The following SLC6A15 variants were observed in gnomAD, a reference collection of about 807,000 sequenced individuals.
The protein encoded by SLC6A15 is sodium-dependent neutral amino acid transporter B(0)AT2.
Under a neutral mutation model 68.5 loss-of-function variants are expected in SLC6A15, and 33 were observed. The observed-to-expected ratio is 0.48, with a 90% CI of 0.37 to 0.64. The LOEUF (loss-of-function observed/expected upper bound fraction) is 0.64, where lower values mean the gene tolerates loss of function less well. Ranked by LOEUF, SLC6A15 falls within the 30% of genes least tolerant of loss-of-function variation. SLC6A15 has a pLI of 0.00. For synonymous variants in SLC6A15, 347 were observed against 301.0 expected (o/e 1.15, Z -1.58); for missense variants, 747 against 874.3 (o/e 0.85, Z 1.84).
chr12:84,909,704 A>G (rs183933171), intron 1 of SLC6A15, among the ~76,000 whole-genome samples: 1 of 152,286 alleles, frequency 6.6e-6, no homozygotes, highest in East Asian at 1.9e-4. Flanking sequence ...GTAATAAAGA[A>G]TTAACATACT....
Position 84,892,152 on chromosome 12 carries a change from A to AAAC in SLC6A15, c.-33_-32insGTT, listed in dbSNP as rs557150994. 557 of 1,547,734 alleles carry AAAC rather than the reference A, an allele frequency of 3.6e-4. 1 individual carries two copies. The African/African-American group carries it at 7.1e-3, about 20-fold the overall frequency. On this transcript the variant is annotated 5_prime_UTR_variant, in exon 2 of 12. Coordinates refer to ENST00000266682, the MANE Select transcript of SLC6A15 (RefSeq NM_182767.6). ...GTATGCGAAGTATTTAAAAAAAAAA[A>AAAC]AAAAAACTCCCTTATGGCAAATGTG...
chr12:84,862,259 T>C (rs1048389900), intron 11 of SLC6A15, among the ~76,000 whole-genome samples: 2 of 152,088 alleles, frequency 1.3e-5, no homozygotes, highest in Non-Finnish European at 2.9e-5. Flanking sequence ...AAAGACCACC[T>C]AAAGAGAGAG....
At chr12:84,903,106 G>C (rs929830000) in intron 1 of SLC6A15, among the ~76,000 whole-genome samples, 1 of 152,096 alleles carries the variant, frequency 6.6e-6, no homozygotes, top group Non-Finnish European at 1.5e-5. Context: ...GCACCCTTCT[G>C]TGAAATCGTA....
In SLC6A15 at chr12:84,906,209, A is replaced by G. The variant is rs1293922878; in HGVS notation, c.-189+6314T>C. On this transcript the variant is annotated intron_variant, in intron 1 of 11. Transcript: ENST00000266682. ...AATAGCATTTACAATCATTAAACTG[A>G]CATAATTACACGAAAATGTAACAAA... Among the ~76,000 whole-genome samples the G allele has an allele frequency of 2.6e-5, 4 of 152,210 alleles. No homozygotes were observed. The East Asian group carries it at 7.7e-4, about 29-fold the overall frequency.
chr12:84,890,571 C>T (rs533233023), intron 2 of SLC6A15, among the ~76,000 whole-genome samples: 18 of 152,294 alleles, frequency 1.2e-4, no homozygotes, highest in African/African-American at 3.9e-4. Flanking sequence ...ATGCACAGTG[C>T]GTCACTGACT....
chr12:84,903,949 G>T (rs910476427), intron 1 of SLC6A15, among the ~76,000 whole-genome samples: 1 of 151,936 alleles, frequency 6.6e-6, no homozygotes, highest in African/African-American at 2.4e-5. Context: ...TGTTTTATTT[G>T]TTCATACATC....
In SLC6A15 at chr12:84,895,339, A is replaced by ATTTTTTTTTTTTTTTTTTTTTTTTT. The variant is rs67339994; in HGVS notation, c.-188-3056_-188-3032dup. On this transcript the variant is annotated intron_variant, in intron 1 of 11. Coordinates refer to ENST00000266682, the MANE Select transcript of SLC6A15 (RefSeq NM_182767.6). Reference sequence around the variant, plus strand: ...CTTAGATGTTTTCATTTTTGTTTGTATTTTTTTTTTTTTTTTTTTTTTTTT... The same window carrying ATTTTTTTTTTTTTTTTTTTTTTTTT: ...CTTAGATGTTTTCATTTTTGTTTGTATTTTTTTTTTTTTTTTTTTTTTTTTTTTTTTTTTTTTTTTTTTTTTTTTT... 1.1e-4 allele frequency among the ~76,000 whole-genome samples: 6 copies of ATTTTTTTTTTTTTTTTTTTTTTTTT among 54,784 alleles called. 1 individual carries two copies. Among genetic ancestry groups the ATTTTTTTTTTTTTTTTTTTTTTTTT allele is most frequent in the South Asian group, 8.4e-4 (1 of 1,194 alleles). 35.9% of individuals were successfully genotyped at this position (54,784 alleles called of 152,430 possible). A position where few individuals can be genotyped will look rare whatever the true frequency, so the allele number is the denominator to read the frequency against.
At chr12:84,865,647 G>T (rs904240533) in intron 10 of SLC6A15, among the ~76,000 whole-genome samples, 1 of 152,118 alleles carries the variant, frequency 6.6e-6, no homozygotes, top group Non-Finnish European at 1.5e-5. Flanking sequence ...CCTGTTAACT[G>T]CTGATGTTTT....
At position 84,876,615 on chromosome 12, in the gene SLC6A15, G is replaced by C. The variant is rs539108282; in HGVS notation, c.757-8C>G. Reference sequence around the variant, plus strand: ...AGAACTAAAATATATGATCTGCAAAGAAATAAAAATAAAAATAAGTGAGAT... The same window carrying C: ...AGAACTAAAATATATGATCTGCAAACAAATAAAAATAAAAATAAGTGAGAT... On this transcript the variant is annotated splice_polypyrimidine_tract_variant and splice_region_variant and intron_variant, in intron 5 of 11. Coordinates refer to ENST00000266682, the MANE Select transcript of SLC6A15 (RefSeq NM_182767.6). The C allele has an allele frequency of 7.3e-7, 1 of 1,374,236 alleles. No individual in the cohort carries two copies. The highest frequency in any genetic ancestry group is 1.3e-5 in the South Asian group (1 of 75,596). 85.1% of individuals were successfully genotyped at this position (1,374,236 alleles called of 1,614,324 possible). A position where few individuals can be genotyped will look rare whatever the true frequency, so the allele number is the denominator to read the frequency against.
At chr12:84,898,462 G>A (rs958356469) in intron 1 of SLC6A15, among the ~76,000 whole-genome samples, 5 of 152,074 alleles carry the variant, frequency 3.3e-5, no homozygotes, top group African/African-American at 7.2e-5. Context: ...GAATCAATAC[G>A]TTTTGATGTG....
At chr12:84,909,001 G>A (rs917859348) in intron 1 of SLC6A15, among the ~76,000 whole-genome samples, 3 of 151,988 alleles carry the variant, frequency 2.0e-5, no homozygotes, top group African/African-American at 7.2e-5. Flanking sequence ...AAATTATTTT[G>A]TATATCTTGC....
intron 1 of SLC6A15, among the ~76,000 whole-genome samples, chr12:84,906,319 A>G (rs970924255): frequency 6.6e-6 from 1 of 151,412 alleles, no homozygotes; most frequent in Non-Finnish European, 1.5e-5. Context: ...AAGACATGCC[A>G]TGTTCATGGA....
chr12:84,861,785 T>G lies in SLC6A15; in HGVS notation c.2040A>C (p.Lys680Asn). Residue 680 changes from lysine (K) to asparagine (N), a missense_variant, in exon 12 of 12, where the codon AAA (lysine) becomes AAC (asparagine). Lys to Asn is a moderately conservative substitution (Grantham distance 94). Coordinates refer to ENST00000266682, the MANE Select transcript of SLC6A15 (RefSeq NM_182767.6). Reference protein sequence around the residue: ...EGDDTSLIHGKIPSEMPSPNF... With the variant: ...EGDDTSLIHGNIPSEMPSPNF... ...TTGGAGATGGCATCTCGCTCGGTAT[T>G]TTTCCGTGAATGAGGCTTGTATCAT... 6.2e-7 allele frequency: 1 copy of G among 1,614,020 alleles called. No homozygotes were observed. Among genetic ancestry groups the G allele is most frequent in the Non-Finnish European group, 8.5e-7 (1 of 1,179,946 alleles).
intron 9 of SLC6A15, chr12:84,867,501 A>G (rs1871112508): frequency 1.2e-5 from 2 of 173,750 alleles, no homozygotes; most frequent in Non-Finnish European, 2.4e-5. Context: ...ATAAATTTCC[A>G]TACTCTATTC....
At chr12:84,880,873 T>C in intron 5 of SLC6A15, 1 of 973,888 alleles carries the variant, frequency 1.0e-6, no homozygotes, top group Non-Finnish European at 1.2e-6. Context: ...ATGTTTATTA[T>C]AAACATACCT....
intron 1 of SLC6A15, among the ~76,000 whole-genome samples, chr12:84,902,116 T>C (rs923530434): frequency 5.9e-5 from 9 of 151,894 alleles, no homozygotes; most frequent in Admixed American, 3.3e-4. Context: ...TTTAACAATA[T>C]AGAATTCAAT....
intron 11 of SLC6A15, among the ~76,000 whole-genome samples, chr12:84,862,792 TATTG>T (rs774672345): frequency 5.3e-4 from 80 of 152,274 alleles, no homozygotes; most frequent in African/African-American, 1.6e-3. Context: ...TTTATTTGTT[TATTG>T]ATTGATTGAG....
intron 2 of SLC6A15, among the ~76,000 whole-genome samples, chr12:84,889,274 A>G (rs1235289165): frequency 1.3e-5 from 2 of 151,646 alleles, no homozygotes; most frequent in African/African-American, 2.4e-5. Flanking sequence ...ACGGATCATG[A>G]GGTCAGGAGA....
At chr12:84,899,205 C>G (rs1183649516) in intron 1 of SLC6A15, among the ~76,000 whole-genome samples, 1 of 152,178 alleles carries the variant, frequency 6.6e-6, no homozygotes, top group Admixed American at 6.5e-5. Flanking sequence ...TTGGCTAATG[C>G]CTCATTGACC....
Sources: gnomAD v4.1 joint callset for allele counts (sites outside exome capture counted in the v4.1 genomes callset) on GRCh38, gnomAD v4.1.1 for gene constraint, MANE v1.5 for transcripts, NCBI Gene and HGNC (gene_info 2026-07-23, HGNC 2026-07-21) for gene names.